EXD3: variants seen among roughly 807,000 people sequenced by gnomAD.
The protein encoded by EXD3 is exonuclease 3'-5' domain containing 3.
In EXD3, 92 loss-of-function variants were observed where a neutral mutation model predicts 98.0. The ratio of observed to expected loss-of-function variants is 0.94; its 90% CI spans 0.79 to 1.12. The LOEUF (loss-of-function observed/expected upper bound fraction) is 1.12, where lower values mean the gene tolerates loss of function less well. EXD3 is among the 50% of genes most tolerant of loss of function. The probability of loss-of-function intolerance (pLI) is 0.00; values close to 1 mark genes in which losing one functional copy is unlikely to be tolerated. For synonymous variants in EXD3, 569 were observed against 526.0 expected (o/e 1.08, Z -1.12); for missense variants, 1,222 against 1,191.6 (o/e 1.03, Z -0.38).
In EXD3 at chr9:137,395,827, C is replaced by T. The variant is rs964380553; in HGVS notation, c.-47-423G>A. The stretch of plus-strand genomic sequence containing the variant: ...CTCCTCCAGAGGGCAAGGGCGCCTG[C>T]AGGACCAGGGACCTCGGAGTGACGC... On this transcript the variant is annotated intron_variant, in intron 1 of 21. Coordinates refer to ENST00000340951, the MANE Select transcript of EXD3 (RefSeq NM_017820.5). This position sits in a 1 kb window ranked among gnomAD's most constrained non-coding sequence, Gnocchi z 6.5. Among the ~76,000 whole-genome samples the T allele has an allele frequency of 2.3e-4, 35 of 152,184 alleles. No homozygotes were observed. The highest frequency in any genetic ancestry group is 4.4e-4 in the Non-Finnish European group (30 of 68,006).
intron 3 of EXD3, among the ~76,000 whole-genome samples, chr9:137,374,153 G>A (rs879911458): frequency 3.3e-5 from 5 of 152,240 alleles, no homozygotes; most frequent in Non-Finnish European, 5.9e-5. Flanking sequence ...CCTCAGCGGC[G>A]CCGTCCTCTG....
At chr9:137,316,160 C>G (rs1000191789) in intron 19 of EXD3, among the ~76,000 whole-genome samples, 8 of 151,914 alleles carry the variant, frequency 5.3e-5, no homozygotes, top group African/African-American at 1.7e-4. Flanking sequence ...CGTGAGAACC[C>G]GCCGGGCCGG....
intron 16 of EXD3, 116 bp downstream of exon 16, chr9:137,348,994 G>C (rs1834102839): frequency 8.0e-7 from 1 of 1,246,604 alleles, no homozygotes; most frequent in Non-Finnish European, 1.1e-6. Flanking sequence ...CAGGAGCTGG[G>C]CCCCCTCCAC....
chr9:137,390,481 C>T (rs1836848574), intron 2 of EXD3, among the ~76,000 whole-genome samples: 2 of 150,188 alleles, frequency 1.3e-5, no homozygotes, highest in South Asian at 4.2e-4. Context: ...TAAATAAAAA[C>T]TAAAAAGATA....
chr9:137,351,993 C>T lies in EXD3; in HGVS notation c.1173+73G>A, dbSNP rs527699157. The T allele has an allele frequency of 1.4e-4, 208 of 1,520,386 alleles. 2 individuals carry two copies. In the South Asian group the frequency reaches 2.2e-3, roughly 16 times the overall value. 94.2% of individuals were successfully genotyped at this position (1,520,386 alleles called of 1,614,324 possible). ...GCCTTGCCTCTCTCCGAATGCCATG[C>T]CCCTGATGCTCCTCCAGTGCCTGGC... On this transcript the variant is annotated intron_variant, in intron 12 of 21. Transcript: ENST00000340951.
intron 1 of EXD3, among the ~76,000 whole-genome samples, chr9:137,398,900 A>G (rs568168385): frequency 1.4e-5 from 2 of 140,510 alleles, no homozygotes; most frequent in South Asian, 2.3e-4. Context: ...CCGCGTCCCC[A>G]AGACACACAG....
chr9:137,313,979 G>T (rs1419904584), intron 19 of EXD3, among the ~76,000 whole-genome samples: 1 of 152,156 alleles, frequency 6.6e-6, no homozygotes, highest in Non-Finnish European at 1.5e-5. Context: ...GCTGGCGGGG[G>T]TCGCCAGTGT....
At chr9:137,336,988 C>A (rs1833386537) in intron 17 of EXD3, among the ~76,000 whole-genome samples, 1 of 151,728 alleles carries the variant, frequency 6.6e-6, no homozygotes, top group Admixed American at 6.6e-5. Flanking sequence ...TTTTAAAAAA[C>A]CCAACTAGAA....
chr9:137,383,138 T>C (rs1836403292), intron 3 of EXD3, among the ~76,000 whole-genome samples, 175 bp downstream of exon 3: 1 of 152,182 alleles, frequency 6.6e-6, no homozygotes, highest in Non-Finnish European at 1.5e-5. Flanking sequence ...GACCGCCCCC[T>C]GCCCCACACA....
chr9:137,341,453 AGCAAAGGGAAAAGGCACATGGG>A (rs1833650032), intron 17 of EXD3, among the ~76,000 whole-genome samples: 2 of 152,280 alleles, frequency 1.3e-5, no homozygotes, highest in African/African-American at 4.8e-5. Flanking sequence ...CAGCAATGTC[AGCAAAGGGAAAAGGCACATGGG>A]GCCTCAGGCA....
chr9:137,327,552 T>G (rs1396616501), intron 17 of EXD3, among the ~76,000 whole-genome samples: 1 of 152,058 alleles, frequency 6.6e-6, no homozygotes, highest in Non-Finnish European at 1.5e-5. Flanking sequence ...AAATGGTCAA[T>G]TTCGTGTTAT....
chr9:137,313,528 A>G (rs1214912461), intron 19 of EXD3, among the ~76,000 whole-genome samples: 2 of 152,146 alleles, frequency 1.3e-5, no homozygotes, highest in Non-Finnish European at 2.9e-5. Flanking sequence ...TGAGGGTGGC[A>G]GGGGCCTCTT....
At chr9:137,372,691 C>CT (rs1432669572) in intron 5 of EXD3, among the ~76,000 whole-genome samples, 2 of 152,208 alleles carry the variant, frequency 1.3e-5, no homozygotes, top group Admixed American at 1.3e-4. Flanking sequence ...AGGCTGTGCC[C>CT]TGACATCTCT....
intron 7 of EXD3, chr9:137,365,661 C>A (rs1381050509): frequency 4.1e-6 from 1 of 246,682 alleles, no homozygotes; most frequent in Non-Finnish European, 8.0e-6. Flanking sequence ...GTACACACAC[C>A]ACACGCACAC....
rs1016454499 is a variant in EXD3, at chr9:137,351,626, C to T, written c.1174-98G>A. ...TGAGCAGCTCTGTGAGCTTGGGCTT[C>T]GGGGAGACGCCCCTGCACCCCTGCA... On this transcript the variant is annotated intron_variant, in intron 12 of 21. Transcript: ENST00000340951. 3.0e-5 allele frequency: 35 copies of T among 1,151,236 alleles called. 1 individual carries two copies. The East Asian group carries it at 3.1e-4, about 10-fold the overall frequency. 71.3% of individuals were successfully genotyped at this position (1,151,236 alleles called of 1,614,324 possible). A position where few individuals can be genotyped will look rare whatever the true frequency, so the allele number is the denominator to read the frequency against.
At chr9:137,409,007 G>A (rs1837868541) in intron 1 of EXD3, among the ~76,000 whole-genome samples, 2 of 152,196 alleles carry the variant, frequency 1.3e-5, no homozygotes, top group African/African-American at 2.4e-5. Context: ...GTGGGAGGGC[G>A]GCTGCTATAA....
chr9:137,355,478 A>T (rs111460149), intron 8 of EXD3, among the ~76,000 whole-genome samples: 106 of 6,064 alleles, frequency 0.017, 2 homozygotes, highest in African/African-American at 0.034. Context: ...GGAAGGAGGA[A>T]GGAGGAAGGA....
chr9:137,323,702 A>C (rs1197785712), intron 19 of EXD3, 23 bp downstream of exon 19: 2 of 1,608,756 alleles, frequency 1.2e-6, no homozygotes, highest in African/African-American at 2.7e-5. Context: ...AGCCCCAGGT[A>C]GGACGGGGTG....
chr9:137,343,698 C>G (rs1033998761), intron 17 of EXD3, among the ~76,000 whole-genome samples: 1 of 141,500 alleles, frequency 7.1e-6, no homozygotes, highest in African/African-American at 2.6e-5. Flanking sequence ...ATGCCATTCT[C>G]CTGCCTCAGC....
Sources: allele counts gnomAD v4.1 joint callset (sites outside exome capture counted in the v4.1 genomes callset), GRCh38; gene constraint gnomAD v4.1.1; non-coding constraint Gnocchi (gnomAD v3.1); transcripts MANE v1.5; gene names NCBI Gene and HGNC (gene_info 2026-07-23, HGNC 2026-07-21).